MAST3: variants seen among roughly 807,000 people sequenced by gnomAD.
MAST3 encodes microtubule associated serine/threonine kinase 3.
In MAST3, 43 loss-of-function variants were observed where a neutral mutation model predicts 127.0. The ratio of observed to expected loss-of-function variants is 0.34; its 90% CI spans 0.27 to 0.44. The LOEUF (loss-of-function observed/expected upper bound fraction) is 0.44, where lower values mean the gene tolerates loss of function less well. Among genes scored for constraint, MAST3 ranks in the 20% least tolerant of loss-of-function variants. The pLI is 1.00. For missense variants in MAST3, 1,390 were observed against 1,919.1 expected (o/e 0.72, Z 5.15); for synonymous variants, 785 against 809.2 (o/e 0.97, Z 0.51).
chr19:18,139,157 A>C, intron 20 of MAST3, 33 bp downstream of exon 20: 1 of 1,429,970 alleles, frequency 7.0e-7, no homozygotes, highest in Non-Finnish European at 9.7e-7. Context: ...GCCACTGCTC[A>C]GAAAACATTG....
chr19:18,113,796 C>G (rs1244137607), intron 3 of MAST3, among the ~76,000 whole-genome samples: 1 of 152,180 alleles, frequency 6.6e-6, no homozygotes, highest in Non-Finnish European at 1.5e-5. Context: ...CAGGGTTTCA[C>G]CATGTTGACC....
Position 18,112,081 on chromosome 19 carries a change from C to CCTGGGCA in MAST3, c.161+1342_161+1348dup, listed in dbSNP as rs2038710044. On this transcript the variant is annotated intron_variant, in intron 3 of 27. Coordinates refer to ENST00000687212, the MANE Select transcript of MAST3 (RefSeq NM_001393504.1). The surrounding 1 kb of genome is among the most constrained non-coding windows in gnomAD (Gnocchi z 4.1). The stretch of plus-strand genomic sequence containing the variant: ...TGGGGAGGTGATGTTTGAGCCAAGG[C>CCTGGGCA]CTGGGCACAGCTAAAGAAAGATTGG... 6.6e-6 allele frequency among the ~76,000 whole-genome samples: 1 copy of CCTGGGCA among 152,234 alleles called. No homozygotes were observed. Among genetic ancestry groups the CCTGGGCA allele is most frequent in the African/African-American group, 2.4e-5 (1 of 41,456 alleles).
At chr19:18,123,163 G>A in intron 6 of MAST3, 54 bp from the exon 7 acceptor site, 2 of 1,602,002 alleles carry the variant, frequency 1.2e-6, no homozygotes, top group Non-Finnish European at 1.7e-6. Context: ...CTGGGTTCCT[G>A]GCCACAGCAC....
chr19:18,144,089 GAGT>G lies in MAST3; in HGVS notation c.2584+85_2584+87del. 1 of 1,494,598 alleles carries G rather than the reference GAGT, an allele frequency of 6.7e-7. No homozygotes were observed. Among genetic ancestry groups the G allele is most frequent in the Non-Finnish European group, 8.9e-7 (1 of 1,120,788 alleles). 92.6% of individuals were successfully genotyped at this position (1,494,598 alleles called of 1,614,324 possible). On this transcript the variant is annotated intron_variant, in intron 22 of 27. Coordinates refer to ENST00000687212, the MANE Select transcript of MAST3 (RefSeq NM_001393504.1). The surrounding 1 kb of genome is among the most constrained non-coding windows in gnomAD (Gnocchi z 4.0). ...CTATTTGAGATGGGTTTTCAAGGAT[GAGT>G]AGGAGTTCTCCAGAGCCAACAAAGG...
In MAST3 at chr19:18,145,862, G is replaced by A; in HGVS notation, c.3159G>A (p.Leu1053=). 1 of 1,592,168 alleles carries A rather than the reference G, an allele frequency of 6.3e-7. No homozygotes were observed. Among genetic ancestry groups the A allele is most frequent in the Non-Finnish European group, 8.5e-7 (1 of 1,170,966 alleles). Reference sequence around the variant, plus strand: ...ACATGGACGTCGTGGAGCTGCTGCTGAAGGTGCGGCACCCCCACTGCCCAC... The same window carrying A: ...ACATGGACGTCGTGGAGCTGCTGCTAAAGGTGCGGCACCCCCACTGCCCAC... ...LVHMDVVELL[L]KSGNKISLRT... Residue 1053 remains leucine, a synonymous_variant, in exon 25 of 28, where the codon CTG becomes CTA. Coordinates refer to ENST00000687212, the MANE Select transcript of MAST3 (RefSeq NM_001393504.1). This position sits in a 1 kb window ranked among gnomAD's most constrained non-coding sequence, Gnocchi z 5.9.
chr19:18,136,976 C>G (rs1440901212), intron 18 of MAST3, among the ~76,000 whole-genome samples: 4 of 152,238 alleles, frequency 2.6e-5, no homozygotes, highest in African/African-American at 9.6e-5. Flanking sequence ...CACCAGCCAC[C>G]ACACCCGGCT....
Position 18,149,824 on chromosome 19 carries a change from C to CT in MAST3, c.*99dup. 6.5e-7 allele frequency: 1 copy of CT among 1,530,634 alleles called. No individual in the cohort carries two copies. Among genetic ancestry groups the CT allele is most frequent in the East Asian group, 2.3e-5 (1 of 42,912 alleles). 94.8% of individuals were successfully genotyped at this position (1,530,634 alleles called of 1,614,324 possible). On this transcript the variant is annotated 3_prime_UTR_variant, in exon 28 of 28. Coordinates refer to ENST00000687212, the MANE Select transcript of MAST3 (RefSeq NM_001393504.1). The surrounding 1 kb of genome is among the most constrained non-coding windows in gnomAD (Gnocchi z 5.9). Reference sequence around the variant, plus strand: ...CCTGGATGGGGACTGAGCCACCAGCCTGACACCCAGAAGGCGAGAAGCCAT... The same window carrying CT: ...CCTGGATGGGGACTGAGCCACCAGCCTTGACACCCAGAAGGCGAGAAGCCAT...
At chr19:18,103,221 C>T (rs11086089) in intron 1 of MAST3, among the ~76,000 whole-genome samples, 56,034 of 151,900 alleles carry the variant, frequency 0.37, 10,772 homozygotes, top group Admixed American at 0.42. Context: ...CCGATTTTGC[C>T]TCACCTCTCT....
Position 18,135,711 on chromosome 19 carries a change from C to T in MAST3, c.1871-29C>T, listed in dbSNP as rs139869129. The T allele has an allele frequency of 1.5e-4, 234 of 1,544,556 alleles. 1 individual carries two copies. In the African/African-American group the frequency reaches 1.8e-3, roughly 12 times the overall value. Reference sequence around the variant, plus strand: ...GGGTACCCTGCCTTCTCCCTCCCTCCCTCATTTTACCTCCCTCCCTCATTT... The same window carrying T: ...GGGTACCCTGCCTTCTCCCTCCCTCTCTCATTTTACCTCCCTCCCTCATTT... On this transcript the variant is annotated intron_variant, in intron 17 of 27. Transcript: ENST00000687212.
intron 15 of MAST3, among the ~76,000 whole-genome samples, chr19:18,134,080 C>T (rs777364486): frequency 2.3e-4 from 35 of 152,094 alleles, no homozygotes; most frequent in Non-Finnish European, 4.1e-4. Context: ...GTCAGTACCT[C>T]CTGTTTGCTC....
chr19:18,115,251 C>T (rs2039090976), intron 3 of MAST3, among the ~76,000 whole-genome samples: 1 of 152,072 alleles, frequency 6.6e-6, no homozygotes, highest in Non-Finnish European at 1.5e-5. Context: ...TCTGGATTGT[C>T]AGCTGCAGCC....
intron 15 of MAST3, among the ~76,000 whole-genome samples, 188 bp downstream of exon 15, chr19:18,132,235 GT>G (rs2041389435): frequency 6.6e-6 from 1 of 152,202 alleles, no homozygotes; most frequent in African/African-American, 2.4e-5. Flanking sequence ...TGAACATCTT[GT>G]GTGTACAGAG....
rs45492191 is a variant in MAST3, at chr19:18,147,197, G to A, written c.3326+153G>A. Among the ~76,000 whole-genome samples the A allele has an allele frequency of 0.11, 16,292 of 146,048 alleles. 1,110 individuals carry two copies. Among genetic ancestry groups the A allele is most frequent in the Admixed American group, 0.15 (2,183 of 14,198 alleles). Reference sequence around the variant, plus strand: ...CGGCTCACTGCAACCTCCACCTCCCGGGTTCAAGCGACTGTCCTGCCTCAG... The same window carrying A: ...CGGCTCACTGCAACCTCCACCTCCCAGGTTCAAGCGACTGTCCTGCCTCAG... On this transcript the variant is annotated intron_variant, in intron 26 of 27. Coordinates refer to ENST00000687212, the MANE Select transcript of MAST3 (RefSeq NM_001393504.1).
intron 1 of MAST3, among the ~76,000 whole-genome samples, chr19:18,107,002 G>C (rs1274871865): frequency 2.2e-5 from 2 of 91,652 alleles, no homozygotes; most frequent in Non-Finnish European, 2.1e-5. Context: ...TTTTTGTAGA[G>C]ACGGGGTTTC....
At chr19:18,099,764 G>T (rs1368940747) in intron 1 of MAST3, among the ~76,000 whole-genome samples, 1 of 152,190 alleles carries the variant, frequency 6.6e-6, no homozygotes, top group African/African-American at 2.4e-5. Flanking sequence ...AGGCCCAGAG[G>T]CATGTAGCCT....
intron 1 of MAST3, among the ~76,000 whole-genome samples, chr19:18,100,416 G>A (rs1288902752): frequency 1.3e-5 from 2 of 151,984 alleles, no homozygotes; most frequent in African/African-American, 4.8e-5. Context: ...GTGAGCCACC[G>A]CGCCCAGCCA....
At chr19:18,123,121 C>T in intron 6 of MAST3, 96 bp from the exon 7 acceptor site, 2 of 1,342,954 alleles carry the variant, frequency 1.5e-6, no homozygotes, top group African/African-American at 2.9e-5. Flanking sequence ...CTTCTGATGG[C>T]CAGCAGGCAG....
At position 18,131,985 on chromosome 19, in the gene MAST3, G is replaced by A. The variant is rs770437108; in HGVS notation, c.1509G>A (p.Thr503=). Residue 503 remains threonine, a synonymous_variant, in exon 15 of 28, where the codon ACG becomes ACA. Coordinates refer to ENST00000687212, the MANE Select transcript of MAST3 (RefSeq NM_001393504.1). The part of the protein sequence containing the change: ...VDMARLYFAE[T]VLALEYLHNY... ...TGGCCCGCCTGTACTTCGCCGAGAC[G>A]GTGTTGGCGCTGGAGTACCTGCATA... The A allele has an allele frequency of 2.5e-6, 4 of 1,614,160 alleles. No homozygotes were observed. The South Asian group carries it at 3.3e-5, about 13-fold the overall frequency.
intron 3 of MAST3, among the ~76,000 whole-genome samples, chr19:18,116,805 C>G (rs1348763245): frequency 6.8e-3 from 1 of 146 alleles, no homozygotes; most frequent in Non-Finnish European, 0.026. Context: ...CCCAGCTTCT[C>G]GGGAGGCTGA....
Sources: allele counts gnomAD v4.1 joint callset (sites outside exome capture counted in the v4.1 genomes callset), GRCh38; gene constraint gnomAD v4.1.1; non-coding constraint Gnocchi (gnomAD v3.1); transcripts MANE v1.5; gene names NCBI Gene and HGNC (gene_info 2026-07-23, HGNC 2026-07-21).